The following WDSUB1 variants were observed in gnomAD, a reference collection of about 807,000 sequenced individuals.
WDSUB1 encodes the protein WD repeat, SAM and U-box domain-containing protein 1.
A neutral mutation model predicts 53.9 loss-of-function variants in WDSUB1; 49 were observed. That is an observed-to-expected ratio of 0.91 (90% confidence interval 0.72 to 1.15). The LOEUF is 1.15. WDSUB1 is among the 50% of genes most tolerant of loss of function. The pLI is 0.00. For missense variants in WDSUB1, 514 were observed against 562.0 expected (o/e 0.91, Z 0.86); for synonymous variants, 194 against 200.6 (o/e 0.97, Z 0.28).
At position 159,282,866 on chromosome 2, in the gene WDSUB1, AAT is replaced by A; in HGVS notation, c.202_203del (p.Ile68PhefsTer16). Reference sequence around the variant, plus strand: ...TACCATCTGTTGAACACGATGCCAAAATATGTCCTGAAGGGGAGAAACAGCAG... The same window carrying A: ...TACCATCTGTTGAACACGATGCCAAAATGTCCTGAAGGGGAGAAACAGCAG... ...HCCCFSPSGH[I>X]LASCSTDGTT... On this transcript the variant is annotated frameshift_variant, in exon 2 of 11. Transcript: ENST00000359774. LOFTEE classifies it high-confidence loss of function. 1 of 1,614,180 alleles carries A rather than the reference AAT, an allele frequency of 6.2e-7. No individual in the cohort carries two copies. The highest frequency in any genetic ancestry group is 2.2e-5 in the East Asian group (1 of 44,878).
chr2:159,264,417 G>A (rs1171137397), intron 5 of WDSUB1, among the ~76,000 whole-genome samples: 7 of 152,142 alleles, frequency 4.6e-5, no homozygotes, highest in Admixed American at 4.6e-4. Flanking sequence ...GAGCAAGAGG[G>A]GGCTGTTCAT....
intron 8 of WDSUB1, among the ~76,000 whole-genome samples, chr2:159,256,878 G>A (rs2061075825): frequency 6.6e-6 from 1 of 152,168 alleles, no homozygotes; most frequent in African/African-American, 2.4e-5. Context: ...TGAAAAATTA[G>A]TATGGAGTAT....
At chr2:159,271,943 T>C in intron 4 of WDSUB1, 148 bp from the exon 5 acceptor site, 1 of 645,098 alleles carries the variant, frequency 1.6e-6, no homozygotes, top group Non-Finnish European at 2.7e-6. Flanking sequence ...AGCTCAGATA[T>C]CTATAAGGAA....
At chr2:159,253,120 G>A (rs775448526) in intron 9 of WDSUB1, among the ~76,000 whole-genome samples, 7 of 152,278 alleles carry the variant, frequency 4.6e-5, no homozygotes, top group Middle Eastern at 3.4e-3. Flanking sequence ...GACTCAACTC[G>A]TTGCGTAATA....
intron 3 of WDSUB1, among the ~76,000 whole-genome samples, chr2:159,276,594 T>C (rs887651060): frequency 3.3e-5 from 5 of 152,234 alleles, no homozygotes; most frequent in African/African-American, 9.6e-5. Flanking sequence ...TCATTATATA[T>C]CTACTAAAGT....
At chr2:159,277,328 A>C (rs1558876495) in intron 3 of WDSUB1, among the ~76,000 whole-genome samples, 1 of 152,234 alleles carries the variant, frequency 6.6e-6, no homozygotes, top group Non-Finnish European at 1.5e-5. Flanking sequence ...AAGACAAAAC[A>C]TTTTATTCAA....
chr2:159,268,515 G>A (rs2061387964), intron 5 of WDSUB1, among the ~76,000 whole-genome samples: 1 of 152,102 alleles, frequency 6.6e-6, no homozygotes, highest in Non-Finnish European at 1.5e-5. Context: ...GGCAAGAATT[G>A]GAGCATATGG....
In WDSUB1 at chr2:159,270,914, G is replaced by A. The variant is rs189065857; in HGVS notation, c.770+788C>T. On this transcript the variant is annotated intron_variant, in intron 5 of 10. Transcript: ENST00000359774. ...GATAACCTAGAGAAAAAAATGGGCC[G>A]GAGGCATGAACAGGCACTTCATACA... 6.0e-4 allele frequency among the ~76,000 whole-genome samples: 92 copies of A among 152,070 alleles called. 1 individual carries two copies. Among genetic ancestry groups the A allele is most frequent in the Middle Eastern group, 6.8e-3 (2 of 294 alleles).
chr2:159,238,374 C>G (rs894595598), intron 10 of WDSUB1, among the ~76,000 whole-genome samples: 2 of 152,142 alleles, frequency 1.3e-5, no homozygotes, highest in Admixed American at 1.3e-4. Flanking sequence ...GTCTCAAGCT[C>G]CTGGGCTCAA....
intron 3 of WDSUB1, among the ~76,000 whole-genome samples, chr2:159,276,764 TA>T (rs1242978766): frequency 1.3e-5 from 2 of 152,196 alleles, no homozygotes; most frequent in Non-Finnish European, 2.9e-5. Flanking sequence ...CTGAAGTCTG[TA>T]ATCCCAGCAC....
chr2:159,261,491 G>A (rs1305022988), intron 5 of WDSUB1, among the ~76,000 whole-genome samples: 1 of 152,174 alleles, frequency 6.6e-6, no homozygotes, highest in East Asian at 1.9e-4. Context: ...GAGTATGTAT[G>A]TGATGGACAT....
Position 159,264,920 on chromosome 2 carries a change from C to T in WDSUB1, c.771-5077G>A, listed in dbSNP as rs567847168. ...CCAACATGGTGAAACCCTGTCTCTA[C>T]TAAAAATACAAAAATTAGCCAGGCA... On this transcript the variant is annotated intron_variant, in intron 5 of 10. Coordinates refer to ENST00000359774, the MANE Select transcript of WDSUB1 (RefSeq NM_001128212.3). Among the ~76,000 whole-genome samples, 18 of 151,976 alleles carry T rather than the reference C, an allele frequency of 1.2e-4. No homozygotes were observed. The East Asian group carries it at 3.1e-3, about 26-fold the overall frequency.
chr2:159,248,380 A>G lies in WDSUB1; in HGVS notation c.1265T>C (p.Ile422Thr). Residue 422 changes from isoleucine to threonine, a missense_variant, in exon 10 of 11, where the codon ATC becomes ACC. By Grantham distance (89) the Ile-to-Thr change is moderately conservative. Transcript: ENST00000359774. The stretch of plus-strand genomic sequence containing the variant: ...TATAGCATCACACATACCTGATGCG[A>G]TGACCGGATCTTTCATAAGTTCTCT... ...ITRELMKDPV[I>T]ASDGYSYEKE... 1 of 1,611,840 alleles carries G rather than the reference A, an allele frequency of 6.2e-7. No individual in the cohort carries two copies.
Position 159,248,375 on chromosome 2 carries a change from A to T in WDSUB1, c.1270T>A (p.Ser424Thr). The change falls in exon 10 of 11, where the codon TCA (serine) becomes ACA (threonine). Residue 424 changes from serine to threonine, a missense_variant. Transcript: ENST00000359774. Reference sequence around the variant, plus strand: ...CTTAGTATAGCATCACACATACCTGATGCGATGACCGGATCTTTCATAAGT... The same window carrying T: ...CTTAGTATAGCATCACACATACCTGTTGCGATGACCGGATCTTTCATAAGT... ...RELMKDPVIASDGYSYEKEAM... is the reference protein window; with the variant it reads ...RELMKDPVIATDGYSYEKEAM... 1.9e-6 allele frequency: 3 copies of T among 1,611,884 alleles called. No individual in the cohort carries two copies. Among genetic ancestry groups the T allele is most frequent in the Non-Finnish European group, 2.5e-6 (3 of 1,179,300 alleles).
rs1196263952 is a variant in WDSUB1 at position 159,248,595 on chromosome 2, TAG to T, written c.1133-85_1133-84del. 7 of 1,368,706 alleles carry T rather than the reference TAG, an allele frequency of 5.1e-6. No homozygotes were observed. In the Admixed American group the frequency reaches 1.7e-4, roughly 34 times the overall value. 84.8% of individuals were successfully genotyped at this position (1,368,706 alleles called of 1,614,324 possible). On this transcript the variant is annotated intron_variant, in intron 9 of 10. Coordinates refer to ENST00000359774, the MANE Select transcript of WDSUB1 (RefSeq NM_001128212.3). The stretch of plus-strand genomic sequence containing the variant: ...ACTACCAGTAATCCTTATTCACAAA[TAG>T]AGTTTGTTGTTGGGGTTGATTTTGA...
In WDSUB1 at chr2:159,254,315, A is replaced by G. The variant is rs182642475; in HGVS notation, c.1132+1881T>C. ...TGGCTCATGCCTGTAATCCTAGCAC[A>G]TTGGGAGGCCGAGCTGGGAGGGTCA... On this transcript the variant is annotated intron_variant, in intron 9 of 10. Transcript: ENST00000359774. Among the ~76,000 whole-genome samples, 97 of 152,190 alleles carry G rather than the reference A, an allele frequency of 6.4e-4. 2 individuals carry two copies. In the East Asian group the frequency reaches 0.018, roughly 28 times the overall value.
intron 10 of WDSUB1, among the ~76,000 whole-genome samples, chr2:159,240,482 C>T (rs961724187): frequency 5.3e-5 from 8 of 152,166 alleles, no homozygotes; most frequent in South Asian, 4.1e-4. Flanking sequence ...CTTGCCAACA[C>T]GTATTTTCCT....
At chr2:159,279,218 G>C (rs921966469) in intron 3 of WDSUB1, among the ~76,000 whole-genome samples, 3 of 152,162 alleles carry the variant, frequency 2.0e-5, no homozygotes, top group African/African-American at 4.8e-5. Flanking sequence ...TCTAAAGAAA[G>C]AACTTTCCAA....
At chr2:159,261,297 A>G (rs535405860) in intron 5 of WDSUB1, among the ~76,000 whole-genome samples, 1 of 152,318 alleles carries the variant, frequency 6.6e-6, no homozygotes, top group African/African-American at 2.4e-5. Context: ...ATATCACACC[A>G]TTTTATATAA....
Sources: allele counts gnomAD v4.1 joint callset (sites outside exome capture counted in the v4.1 genomes callset), GRCh38; gene constraint gnomAD v4.1.1; transcripts MANE v1.5; gene names NCBI Gene and HGNC (gene_info 2026-07-23, HGNC 2026-07-21).